The following RAD9B variants were observed in gnomAD, a reference collection of about 807,000 sequenced individuals.
The protein encoded by RAD9B is cell cycle checkpoint control protein RAD9B.
Under a neutral mutation model 48.3 loss-of-function variants are expected in RAD9B, and 41 were observed. The observed-to-expected ratio is 0.85, with a 90% CI of 0.66 to 1.10. The LOEUF (loss-of-function observed/expected upper bound fraction) is 1.10, where lower values mean the gene tolerates loss of function less well. Ranked by LOEUF, RAD9B falls within the 50% of genes least tolerant of loss-of-function variation. The pLI, the probability that RAD9B is intolerant of heterozygous loss-of-function variation, is 0.00. For synonymous variants in RAD9B, 160 were observed against 157.9 expected (o/e 1.01, Z -0.10); for missense variants, 444 against 485.1 (o/e 0.92, Z 0.80).
intron 5 of RAD9B, 83 bp downstream of exon 5, chr12:110,512,961 A>G (rs1593063424): frequency 1.5e-6 from 1 of 687,554 alleles, no homozygotes; most frequent in Non-Finnish European, 2.4e-6. Flanking sequence ...AGAGCTTTTC[A>G]GTCGGCACAT....
intron 10 of RAD9B, among the ~76,000 whole-genome samples, chr12:110,524,180 A>C (rs748478025): frequency 6.6e-6 from 1 of 152,230 alleles, no homozygotes; most frequent in Non-Finnish European, 1.5e-5. Flanking sequence ...TTTCCTTAGT[A>C]AAATGGGGGT....
intron 2 of RAD9B, among the ~76,000 whole-genome samples, chr12:110,504,780 T>C (rs924722849): frequency 6.6e-6 from 1 of 152,154 alleles, no homozygotes; most frequent in Non-Finnish European, 1.5e-5. Flanking sequence ...GAGGATCACT[T>C]GAGCCCAGGA....
rs200543582 is a variant in RAD9B, at chr12:110,507,436, TAAATA to T, written c.388+744_388+748del. Among the ~76,000 whole-genome samples the T allele has an allele frequency of 1.8e-3, 251 of 140,366 alleles. 6 individuals are homozygous for T. The highest frequency in any genetic ancestry group is 0.011 in the Admixed American group (144 of 12,930). 92.1% of individuals were successfully genotyped at this position (140,366 alleles called of 152,430 possible). A position where few individuals can be genotyped will look rare whatever the true frequency, so the allele number is the denominator to read the frequency against. ...AATATAATATATAATATATATGTAT[TAAATA>T]TAATATATAACACGTATTAAGTATA... On this transcript the variant is annotated intron_variant, in intron 4 of 10. Transcript: ENST00000409300.
intron 4 of RAD9B, among the ~76,000 whole-genome samples, chr12:110,512,188 C>T (rs2063482476): frequency 7.2e-6 from 1 of 138,508 alleles, no homozygotes; most frequent in East Asian, 2.2e-4. Context: ...ACTCTGTCAC[C>T]CAGGCTGGAG....
chr12:110,506,735 C>T (rs2063284744), intron 4 of RAD9B, 42 bp downstream of exon 4: 2 of 946,042 alleles, frequency 2.1e-6, no homozygotes, highest in African/African-American at 1.7e-5. Flanking sequence ...ATGTTTTTTT[C>T]TCAATAGTTT....
intron 1 of RAD9B, chr12:110,503,171 G>C (rs1302317872): frequency 6.6e-6 from 1 of 152,646 alleles, no homozygotes; most frequent in South Asian, 2.0e-4. Flanking sequence ...GATTGAGCCC[G>C]GGAGGTTGAG....
At chr12:110,505,834 A>C in intron 3 of RAD9B, 62 bp downstream of exon 3, 4 of 1,301,000 alleles carry the variant, frequency 3.1e-6, no homozygotes, top group Non-Finnish European at 3.2e-6. Flanking sequence ...ATAGGACATA[A>C]CCTGTATTCT....
intron 10 of RAD9B, among the ~76,000 whole-genome samples, chr12:110,525,038 T>C (rs944884763): frequency 1.3e-5 from 2 of 152,096 alleles, no homozygotes; most frequent in African/African-American, 2.4e-5. Context: ...CCAGGCTAGA[T>C]TGCAGTGGTG....
intron 4 of RAD9B, among the ~76,000 whole-genome samples, chr12:110,508,433 A>G (rs2063358123): frequency 6.6e-6 from 1 of 152,162 alleles, no homozygotes; most frequent in Admixed American, 6.6e-5. Context: ...AGCTTACTTG[A>G]GTCATGTCCA....
At chr12:110,513,748 G>C (rs1320238828) in intron 5 of RAD9B, among the ~76,000 whole-genome samples, 1 of 149,106 alleles carries the variant, frequency 6.7e-6, no homozygotes, top group African/African-American at 2.5e-5. Flanking sequence ...TTTTGAGACA[G>C]AGTCTCCCTC....
chr12:110,512,373 T>C (rs1388381693), intron 4 of RAD9B, among the ~76,000 whole-genome samples: 1 of 151,476 alleles, frequency 6.6e-6, no homozygotes, highest in Non-Finnish European at 1.5e-5. Context: ...GGTTTTGAAC[T>C]CCTGGCCTCA....
intron 2 of RAD9B, 27 bp from the exon 3 acceptor site, chr12:110,505,590 T>C (rs2063239138): frequency 2.6e-6 from 4 of 1,534,704 alleles, no homozygotes; most frequent in Non-Finnish European, 3.5e-6. Flanking sequence ...CAACCTCTCC[T>C]AAATAGTTTT....
intron 1 of RAD9B, 129 bp downstream of exon 1, chr12:110,502,512 C>T: frequency 9.8e-7 from 1 of 1,015,824 alleles, no homozygotes; most frequent in South Asian, 1.5e-5. Flanking sequence ...GCCCTGGCCA[C>T]AGCCCCACCC....
intron 10 of RAD9B, 107 bp from the exon 11 acceptor site, chr12:110,530,418 C>G (rs2064101184): frequency 4.1e-6 from 4 of 973,962 alleles, no homozygotes; most frequent in Non-Finnish European, 6.3e-6. Flanking sequence ...CCAGCAAAGA[C>G]AGGGATATAA....
In RAD9B at chr12:110,526,636, A is replaced by G. The variant is rs555610084; in HGVS notation, c.1126-3889A>G. ...AAACCATGCCTCCAATTGGTCGGGC[A>G]CGGTGGCTCATGCCTGTAATCCCAG... is the stretch of plus-strand genomic sequence containing the variant. On this transcript the variant is annotated intron_variant, in intron 10 of 10. Coordinates refer to ENST00000409300, the MANE Select transcript of RAD9B (RefSeq NM_001286535.2). Among the ~76,000 whole-genome samples the G allele has an allele frequency of 4.8e-4, 73 of 152,218 alleles. 1 individual carries two copies. Among genetic ancestry groups the G allele is most frequent in the South Asian group, 1.7e-3 (8 of 4,820 alleles).
In RAD9B at chr12:110,519,833, T is replaced by C. The variant is rs774375678; in HGVS notation, c.807T>C (p.Ala269=). 5.8e-5 allele frequency: 93 copies of C among 1,613,288 alleles called. No individual in the cohort carries two copies. The highest frequency in any genetic ancestry group is 7.0e-5 in the Non-Finnish European group (83 of 1,179,720). Residue 269 remains alanine, a synonymous_variant, in exon 9 of 11, where the codon GCT becomes GCC. Transcript: ENST00000409300. The part of the protein sequence containing the change: ...ALSIDDMLVE[A]NFILATLADE... Reference sequence around the variant, plus strand: ...GTATTGATGATATGTTAGTGGAAGCTAACTTTATTTTGGCCACATTAGCTG... The same window carrying C: ...GTATTGATGATATGTTAGTGGAAGCCAACTTTATTTTGGCCACATTAGCTG...
chr12:110,517,588 G>A (rs1022782577), intron 6 of RAD9B, among the ~76,000 whole-genome samples: 1 of 151,326 alleles, frequency 6.6e-6, no homozygotes, highest in Non-Finnish European at 1.5e-5. Flanking sequence ...CACACCACTG[G>A]ACTCCAGCTT....
At chr12:110,513,410 C>T (rs1399825121) in intron 5 of RAD9B, among the ~76,000 whole-genome samples, 1 of 151,960 alleles carries the variant, frequency 6.6e-6, no homozygotes, top group Non-Finnish European at 1.5e-5. Context: ...TCTAAAAACA[C>T]CCCATCAGTG....
At position 110,532,144 on chromosome 12, in the gene RAD9B, T is replaced by C. The variant is rs2064158616; in HGVS notation, c.*1491T>C. 1 of 152,896 alleles carries C rather than the reference T, an allele frequency of 6.5e-6. No individual in the cohort carries two copies. The highest frequency in any genetic ancestry group is 1.5e-5 in the Non-Finnish European group (1 of 68,568). 9.5% of individuals were successfully genotyped at this position (152,896 alleles called of 1,614,324 possible). ...CCAAGCTTTTTGTGGTAACTGGCAA[T>C]GCCCACATAATTTCAACTAAGTCCT... On this transcript the variant is annotated 3_prime_UTR_variant, in exon 11 of 11. Coordinates refer to ENST00000409300, the MANE Select transcript of RAD9B (RefSeq NM_001286535.2).
Sources: gnomAD v4.1 joint callset for allele counts (sites outside exome capture counted in the v4.1 genomes callset) on GRCh38, gnomAD v4.1.1 for gene constraint, MANE v1.5 for transcripts, NCBI Gene and HGNC (gene_info 2026-07-23, HGNC 2026-07-21) for gene names.